The following HS3ST4 variants were observed in gnomAD, a reference collection of about 807,000 sequenced individuals.
HS3ST4 encodes the protein heparan sulfate-glucosamine 3-sulfotransferase 4, also known as heparan sulfate glucosamine 3-O-sulfotransferase 4.
A neutral mutation model predicts 29.2 loss-of-function variants in HS3ST4; 17 were observed. The ratio of observed to expected loss-of-function variants is 0.58; its 90% CI spans 0.40 to 0.87. HS3ST4 has a LOEUF of 0.87. HS3ST4 is among the 40% of genes least tolerant of loss of function. The probability of loss-of-function intolerance (pLI) is 0.00; values close to 1 mark genes in which losing one functional copy is unlikely to be tolerated. For missense variants in HS3ST4, 627 were observed against 634.5 expected (o/e 0.99, Z 0.13); for synonymous variants, 314 against 285.7 (o/e 1.10, Z -1.00).
chr16:26,131,797 C>G (rs990815773), intron 1 of HS3ST4, among the ~76,000 whole-genome samples: 4 of 152,144 alleles, frequency 2.6e-5, no homozygotes, highest in Non-Finnish European at 5.9e-5. Flanking sequence ...ACAACAAAAA[C>G]CTAGCATTAG....
At chr16:25,775,331 C>G (rs1966846629) in intron 1 of HS3ST4, among the ~76,000 whole-genome samples, 1 of 152,140 alleles carries the variant, frequency 6.6e-6, no homozygotes, top group Non-Finnish European at 1.5e-5. Flanking sequence ...AAAAAGACAG[C>G]ACGTGACTAC....
At chr16:25,788,793 C>T (rs1966862067) in intron 1 of HS3ST4, among the ~76,000 whole-genome samples, 1 of 151,908 alleles carries the variant, frequency 6.6e-6, no homozygotes, top group East Asian at 1.9e-4. Flanking sequence ...TCCCACCTCA[C>T]CCCCACAAAG....
intron 1 of HS3ST4, among the ~76,000 whole-genome samples, chr16:26,058,072 T>C (rs1050445017): frequency 1.1e-4 from 17 of 152,178 alleles, no homozygotes; most frequent in African/African-American, 2.4e-4. Context: ...ATGGTGCCAA[T>C]TGGGAGGCAA....
At chr16:26,066,535 C>A (rs1474744159) in intron 1 of HS3ST4, among the ~76,000 whole-genome samples, 1 of 152,056 alleles carries the variant, frequency 6.6e-6, no homozygotes, top group African/African-American at 2.4e-5. Flanking sequence ...TCCTTCTCTC[C>A]CTCTCTTCTT....
At chr16:25,914,856 G>A (rs1383905993) in intron 1 of HS3ST4, among the ~76,000 whole-genome samples, 2 of 151,834 alleles carry the variant, frequency 1.3e-5, no homozygotes, top group East Asian at 1.9e-4. Flanking sequence ...ATCTAAAGGA[G>A]TATGTTTTGG....
chr16:25,866,215 A>G (rs535625386), intron 1 of HS3ST4, among the ~76,000 whole-genome samples: 35 of 152,344 alleles, frequency 2.3e-4, no homozygotes, highest in Non-Finnish European at 4.6e-4. Context: ...AATTCAGCCT[A>G]TAATAGAGAC....
intron 1 of HS3ST4, among the ~76,000 whole-genome samples, chr16:25,962,090 A>C (rs1419279022): frequency 1.3e-5 from 2 of 152,216 alleles, no homozygotes; most frequent in African/African-American, 4.8e-5. Flanking sequence ...AATTGCAGAC[A>C]AGTAGGCCTT....
At chr16:25,730,178 T>C (rs903702190) in intron 1 of HS3ST4, among the ~76,000 whole-genome samples, 1 of 152,184 alleles carries the variant, frequency 6.6e-6, no homozygotes, top group African/African-American at 2.4e-5. Context: ...GGTCTTGCTC[T>C]GGTAGCCTCT....
intron 1 of HS3ST4, among the ~76,000 whole-genome samples, chr16:25,807,655 T>G (rs1023999267): frequency 6.6e-6 from 1 of 152,208 alleles, no homozygotes; most frequent in Non-Finnish European, 1.5e-5. Flanking sequence ...AATTTCTATG[T>G]TTTTTCTAGA....
intron 1 of HS3ST4, among the ~76,000 whole-genome samples, chr16:25,812,750 G>A (rs1352574017): frequency 6.6e-6 from 1 of 150,486 alleles, no homozygotes. Flanking sequence ...TACCCAAGCT[G>A]GAATGCAGTG....
chr16:25,896,871 C>T lies in HS3ST4; in HGVS notation c.734+203720C>T, dbSNP rs369576274. 3.2e-3 allele frequency among the ~76,000 whole-genome samples: 487 copies of T among 152,258 alleles called. 2 individuals carry two copies. The highest frequency in any genetic ancestry group is 5.4e-3 in the Non-Finnish European group (365 of 68,024). ...CAGCAACAGGGATGCAGCTGGAGGC[C>T]GTTATCTTAAGTGAATTAACACAGA... On this transcript the variant is annotated intron_variant, in intron 1 of 1. Transcript: ENST00000331351.
At chr16:25,868,330 G>T (rs760593574) in intron 1 of HS3ST4, among the ~76,000 whole-genome samples, 13 of 152,084 alleles carry the variant, frequency 8.5e-5, no homozygotes, top group Non-Finnish European at 1.8e-4. Context: ...AAGATTCATT[G>T]TAAGATACTA....
chr16:25,881,691 C>T (rs1279931130), intron 1 of HS3ST4, among the ~76,000 whole-genome samples: 2 of 152,072 alleles, frequency 1.3e-5, no homozygotes, highest in Non-Finnish European at 2.9e-5. Context: ...CCATCCTTCA[C>T]TGTGGTAGAT....
At position 25,692,761 on chromosome 16, in the gene HS3ST4, C is replaced by T; in HGVS notation, c.344C>T (p.Pro115Leu). 3 of 1,339,938 alleles carry T rather than the reference C, an allele frequency of 2.2e-6. No individual in the cohort carries two copies. Among genetic ancestry groups the T allele is most frequent in the Non-Finnish European group, 2.8e-6 (3 of 1,054,290 alleles). 83.0% of individuals were successfully genotyped at this position (1,339,938 alleles called of 1,614,324 possible). A position where few individuals can be genotyped will look rare whatever the true frequency, so the allele number is the denominator to read the frequency against. Reference sequence around the variant, plus strand: ...AGCCACGGGGAGCCGCCCGAGCCCCCAGAGCAGCCAGCCGCCCCCGGGACC... The same window carrying T: ...AGCCACGGGGAGCCGCCCGAGCCCCTAGAGCAGCCAGCCGCCCCCGGGACC... ...NASHGEPPEPPEQPAAPGTDG... is the reference protein window; with the variant it reads ...NASHGEPPEPLEQPAAPGTDG... The change falls in exon 1 of 2, where the codon CCA (proline) becomes CTA (leucine). Residue 115 changes from proline to leucine, a missense_variant. Pro to Leu is a moderately conservative substitution (Grantham distance 98, BLOSUM62 -3). This residue lies in a region of HS3ST4 where 402 missense variants were observed against 340.8 expected (regional missense o/e 1.18). Transcript: ENST00000331351.
At chr16:25,883,617 G>T (rs930800958) in intron 1 of HS3ST4, among the ~76,000 whole-genome samples, 1 of 152,172 alleles carries the variant, frequency 6.6e-6, no homozygotes, top group Non-Finnish European at 1.5e-5. Flanking sequence ...TCTGGAATTT[G>T]TCCAAGGAAA....
Position 26,086,942 on chromosome 16 carries a change from G to C in HS3ST4, c.735-48670G>C, listed in dbSNP as rs1181021096. On this transcript the variant is annotated intron_variant, in intron 1 of 1. Coordinates refer to ENST00000331351, the MANE Select transcript of HS3ST4 (RefSeq NM_006040.3). ...ATGCAGAGGAGGCACTACCTGGGCT[G>C]TTGCCTTCTTTCTCTTCTCCTCCAC... 2.6e-5 allele frequency among the ~76,000 whole-genome samples: 4 copies of C among 152,200 alleles called. No individual in the cohort carries two copies. In the East Asian group the frequency reaches 7.7e-4, roughly 29 times the overall value.
chr16:25,905,449 C>T (rs1271278676), intron 1 of HS3ST4, among the ~76,000 whole-genome samples: 3 of 152,116 alleles, frequency 2.0e-5, no homozygotes, highest in Non-Finnish European at 4.4e-5. Flanking sequence ...CTCTCTAATA[C>T]CTTGTTTCTC....
chr16:25,782,699 A>G (rs1291388800), intron 1 of HS3ST4, among the ~76,000 whole-genome samples: 1 of 152,188 alleles, frequency 6.6e-6, no homozygotes, highest in Non-Finnish European at 1.5e-5. Flanking sequence ...TTAATAAAAT[A>G]TTGGATAATC....
At chr16:25,910,334 A>C (rs1350813213) in intron 1 of HS3ST4, among the ~76,000 whole-genome samples, 2 of 152,174 alleles carry the variant, frequency 1.3e-5, no homozygotes, top group Non-Finnish European at 2.9e-5. Context: ...GAAACATTGG[A>C]GTTTATATAA....
Sources: allele counts gnomAD v4.1 joint callset (sites outside exome capture counted in the v4.1 genomes callset), GRCh38; gene constraint gnomAD v4.1.1; regional missense constraint gnomAD v4.1.1; transcripts MANE v1.5; gene names NCBI Gene and HGNC (gene_info 2026-07-23, HGNC 2026-07-21).